The following PALM2AKAP2 variants were observed in gnomAD, a reference collection of about 807,000 sequenced individuals.
PALM2AKAP2 encodes PALM2-AKAP2 fusion protein.
Under a neutral mutation model 71.5 loss-of-function variants are expected in PALM2AKAP2, and 37 were observed. The ratio of observed to expected loss-of-function variants is 0.52; its 90% CI spans 0.40 to 0.68. The LOEUF is 0.68. Ranked by LOEUF, PALM2AKAP2 falls within the 30% of genes least tolerant of loss-of-function variation. The pLI, the probability that PALM2AKAP2 is intolerant of heterozygous loss-of-function variation, is 0.00. For missense variants in PALM2AKAP2, 1,224 were observed against 1,191.8 expected (o/e 1.03, Z -0.40); for synonymous variants, 468 against 478.8 (o/e 0.98, Z 0.29).
intron 1 of PALM2AKAP2, among the ~76,000 whole-genome samples, chr9:109,698,589 T>C (rs1351523558): frequency 2.0e-5 from 3 of 152,130 alleles, no homozygotes; most frequent in South Asian, 2.1e-4. Flanking sequence ...GGGTTGCTAA[T>C]CTTTGAGGCA....
intron 6 of PALM2AKAP2, chr9:109,942,707 A>T (rs969393895): frequency 6.9e-6 from 11 of 1,593,004 alleles, no homozygotes; most frequent in Non-Finnish European, 8.5e-6. Context: ...ATGGAAATTA[A>T]TGTGGAGAAA....
intron 1 of PALM2AKAP2, among the ~76,000 whole-genome samples, chr9:109,827,453 A>G (rs990686324): frequency 6.6e-6 from 1 of 152,064 alleles, no homozygotes; most frequent in African/African-American, 2.4e-5. Context: ...TACTCAAAAT[A>G]CAAAAATTAG....
chr9:109,888,715 A>AC (rs1327752076), intron 3 of PALM2AKAP2, among the ~76,000 whole-genome samples: 1 of 150,176 alleles, frequency 6.7e-6, no homozygotes, highest in Non-Finnish European at 1.5e-5. Context: ...TGCCTCCAAA[A>AC]AAAAAAAAAA....
chr9:109,780,230 G>T (rs1195279856), upstream of PALM2AKAP2: 3 of 1,053,578 alleles, frequency 2.8e-6, no homozygotes, highest in African/African-American at 5.1e-5. Context: ...GGCCGGCGGC[G>T]GCGGCGACCG....
chr9:110,068,681 G>A (rs149564917), intron 1 of PALM2AKAP2, among the ~76,000 whole-genome samples: 2,034 of 152,056 alleles, frequency 0.013, 41 homozygotes, highest in African/African-American at 0.047. Context: ...ACAGGTGTGC[G>A]CCACCATGCC....
At chr9:110,066,986 A>G (rs570031048) in intron 1 of PALM2AKAP2, among the ~76,000 whole-genome samples, 2 of 152,282 alleles carry the variant, frequency 1.3e-5, no homozygotes, top group East Asian at 3.9e-4. Flanking sequence ...AAGGAAAGAG[A>G]GAGCTCTTCA....
At chr9:110,085,030 G>A (rs1226434033) in intron 1 of PALM2AKAP2, among the ~76,000 whole-genome samples, 1 of 151,958 alleles carries the variant, frequency 6.6e-6, no homozygotes, top group African/African-American at 2.4e-5. Flanking sequence ...GTGAGCCACC[G>A]CGCCCGGCCT....
chr9:110,079,832 G>C (rs1834405086), intron 1 of PALM2AKAP2, among the ~76,000 whole-genome samples: 1 of 152,076 alleles, frequency 6.6e-6, no homozygotes, highest in Non-Finnish European at 1.5e-5. Context: ...CACTTTGGGA[G>C]GCCAAGGCGT....
intron 1 of PALM2AKAP2, among the ~76,000 whole-genome samples, chr9:109,704,394 C>T (rs985503460): frequency 6.6e-6 from 1 of 152,146 alleles, no homozygotes; most frequent in African/African-American, 2.4e-5. Context: ...ACTGTAAATT[C>T]ACTTGTATAA....
rs149130606 is a variant in PALM2AKAP2, at chr9:109,843,849, G to A, written c.46-23642G>A. Among the ~76,000 whole-genome samples the A allele has an allele frequency of 5.1e-3, 777 of 152,290 alleles. 5 individuals are homozygous for A. The highest frequency in any genetic ancestry group is 0.018 in the African/African-American group (734 of 41,562). ...GGAGCCCGGACGAGGCCAGCTGGCTGCCTATCAGTGGCCTTCTTCTGTCAG... is the reference window on the plus strand; with the variant it reads ...GGAGCCCGGACGAGGCCAGCTGGCTACCTATCAGTGGCCTTCTTCTGTCAG... On this transcript the variant is annotated intron_variant, in intron 1 of 9. Transcript: ENST00000302798.
At chr9:110,032,522 C>T (rs920562613) in intron 7 of PALM2AKAP2, among the ~76,000 whole-genome samples, 40 of 151,948 alleles carry the variant, frequency 2.6e-4, no homozygotes, top group Non-Finnish European at 4.3e-4. Flanking sequence ...GAAACCCCAT[C>T]TCTACTAAAA....
intron 3 of PALM2AKAP2, among the ~76,000 whole-genome samples, chr9:110,158,358 G>A (rs963800501): frequency 6.6e-6 from 1 of 152,198 alleles, no homozygotes; most frequent in Non-Finnish European, 1.5e-5. Flanking sequence ...GATGTGGATG[G>A]GGAAGAACAA....
chr9:109,991,497 C>G (rs1431634860), intron 6 of PALM2AKAP2, among the ~76,000 whole-genome samples: 1 of 152,094 alleles, frequency 6.6e-6, no homozygotes, highest in African/African-American at 2.4e-5. Context: ...TCTTGGCCTC[C>G]CAAGGTGTAA....
intron 6 of PALM2AKAP2, among the ~76,000 whole-genome samples, chr9:109,966,494 C>T (rs1831953384): frequency 6.6e-6 from 1 of 152,196 alleles, no homozygotes; most frequent in Non-Finnish European, 1.5e-5. Flanking sequence ...ATCTTTCTGT[C>T]CTGTTTCTTC....
intron 1 of PALM2AKAP2, among the ~76,000 whole-genome samples, chr9:109,726,430 T>C (rs915373642): frequency 1.3e-5 from 2 of 152,240 alleles, no homozygotes; most frequent in African/African-American, 2.4e-5. Context: ...GGGGCTGTTG[T>C]GTTTCCTCCA....
intron 1 of PALM2AKAP2, among the ~76,000 whole-genome samples, chr9:109,685,658 A>T (rs78141163): frequency 0.014 from 2,104 of 152,088 alleles, 59 homozygotes; most frequent in African/African-American, 0.048. Flanking sequence ...AATTACTTGA[A>T]CCCTCAGTGA....
chr9:109,755,821 CTGA>C, intron 1 of PALM2AKAP2, among the ~76,000 whole-genome samples: 1 of 151,982 alleles, frequency 6.6e-6, no homozygotes, highest in African/African-American at 2.4e-5. Context: ...GAATGTAAAC[CTGA>C]TGAAGACTTC....
At chr9:110,035,342 T>TAC (rs778501984) in intron 7 of PALM2AKAP2, among the ~76,000 whole-genome samples, 12 of 75,694 alleles carry the variant, frequency 1.6e-4, no homozygotes, top group African/African-American at 7.4e-4. Flanking sequence ...TAATACATAT[T>TAC]ATATATATTA....
At chr9:109,721,632 ATATC>A (rs1828406099) in intron 1 of PALM2AKAP2, among the ~76,000 whole-genome samples, 1 of 152,132 alleles carries the variant, frequency 6.6e-6, no homozygotes, top group Admixed American at 6.5e-5. Flanking sequence ...GTTTCTATCA[ATATC>A]TATCCAAGGA....
Sources: allele counts gnomAD v4.1 joint callset (sites outside exome capture counted in the v4.1 genomes callset), GRCh38; gene constraint gnomAD v4.1.1; transcripts MANE v1.5; gene names NCBI Gene and HGNC (gene_info 2026-07-23, HGNC 2026-07-21).